SRGAP2: variants seen among roughly 807,000 people sequenced by gnomAD.
SRGAP2 encodes SLIT-ROBO Rho GTPase-activating protein 2.
A neutral mutation model predicts 57.2 loss-of-function variants in SRGAP2; 15 were observed. The observed-to-expected ratio is 0.26, with a 90% CI of 0.18 to 0.40. SRGAP2 has a LOEUF of 0.40. Ranked by LOEUF, SRGAP2 falls within the 10% of genes least tolerant of loss-of-function variation. SRGAP2 has a pLI of 1.00. For synonymous variants in SRGAP2, 249 were observed against 248.0 expected, an observed-to-expected ratio of 1.00 and a Z score of -0.04; for missense variants, 520 against 669.6, an observed-to-expected ratio of 0.78 and a Z score of 2.47.
At chr1:206,371,627 A>G (rs1654557799) in intron 4 of SRGAP2, among the ~76,000 whole-genome samples, 1 of 151,666 alleles carries the variant, frequency 6.6e-6, no homozygotes, top group East Asian at 1.9e-4. Flanking sequence ...GCTACTTGGG[A>G]GGCTGAGGCA....
chr1:206,279,855 C>G (rs1234231591), intron 2 of SRGAP2, among the ~76,000 whole-genome samples: 1 of 151,834 alleles, frequency 6.6e-6, no homozygotes, highest in Non-Finnish European at 1.5e-5. Context: ...GGCTGGTTGT[C>G]TCCACTCTCT....
chr1:206,421,356 C>T lies in SRGAP2; in HGVS notation c.1494+82C>T, dbSNP rs1402821216. On this transcript the variant is annotated intron_variant, in intron 13 of 22. Transcript: ENST00000573034. ...GGCATTTATTGAGCGCCACTGTGTG[C>T]AGGACAGACACCTCTGACTTCATGC... 7 of 658,958 alleles carry T rather than the reference C, an allele frequency of 1.1e-5. No homozygotes were observed. In the African/African-American group the frequency reaches 1.1e-4, roughly 10 times the overall value. The allele number at this position is 658,958 out of a possible 1,614,324, so 40.8% of individuals were successfully genotyped here.
At chr1:206,307,912 G>C (rs1170894249) in intron 3 of SRGAP2, among the ~76,000 whole-genome samples, 9 of 152,236 alleles carry the variant, frequency 5.9e-5, no homozygotes. Flanking sequence ...CAGTGCAGGG[G>C]GGGGTGCTGA....
intron 2 of SRGAP2, among the ~76,000 whole-genome samples, chr1:206,247,541 C>G (rs1668569491): frequency 6.6e-6 from 1 of 152,130 alleles, no homozygotes; most frequent in African/African-American, 2.4e-5. Flanking sequence ...TGATCTCAGC[C>G]TCATAACATC....
At chr1:206,460,889 A>G in intron 22 of SRGAP2, 148 bp from the exon 23 acceptor site, 1 of 474,234 alleles carries the variant, frequency 2.1e-6, no homozygotes, top group East Asian at 3.2e-5. Context: ...CTTCCTGAGC[A>G]TTCATATGTT....
chr1:206,332,977 A>G (rs1349760971), intron 3 of SRGAP2, among the ~76,000 whole-genome samples: 8 of 151,282 alleles, frequency 5.3e-5, no homozygotes, highest in Admixed American at 5.3e-4. Context: ...TGATGTACAG[A>G]TGGGTTTTCG....
chr1:206,340,205 A>G (rs148791105), intron 3 of SRGAP2, among the ~76,000 whole-genome samples: 5,999 of 147,298 alleles, frequency 0.041, 458 homozygotes, highest in African/African-American at 0.15. Context: ...TTTTGAGGAC[A>G]CCCTGGGGAT....
chr1:206,259,660 G>T (rs1467540342), intron 2 of SRGAP2, among the ~76,000 whole-genome samples: 1 of 151,080 alleles, frequency 6.6e-6, no homozygotes, highest in East Asian at 1.9e-4. Flanking sequence ...GCTATGGGTA[G>T]GTAGAAGTGT....
At chr1:206,300,040 G>A (rs1236112494) in intron 2 of SRGAP2, among the ~76,000 whole-genome samples, 4 of 151,128 alleles carry the variant, frequency 2.6e-5, no homozygotes, top group African/African-American at 4.9e-5. Flanking sequence ...CAGGGGTGGG[G>A]ATATTGCTTT....
chr1:206,444,801 A>G (rs1662609640), intron 17 of SRGAP2, among the ~76,000 whole-genome samples: 1 of 152,216 alleles, frequency 6.6e-6, no homozygotes, highest in Non-Finnish European at 1.5e-5. Context: ...ATCCAATGAG[A>G]TTTGTAACCT....
chr1:206,326,720 C>A (rs1673919282), intron 3 of SRGAP2, among the ~76,000 whole-genome samples: 1 of 152,236 alleles, frequency 6.6e-6, no homozygotes, highest in South Asian at 2.1e-4. Flanking sequence ...TCCCTTCTAG[C>A]TCTGAAATTC....
In SRGAP2 at chr1:206,446,069, C is replaced by T. The variant is rs782242614; in HGVS notation, c.1875-6C>T. The T allele has an allele frequency of 6.4e-6, 5 of 780,456 alleles. No homozygotes were observed. Among genetic ancestry groups the T allele is most frequent in the Non-Finnish European group, 1.2e-5 (5 of 417,578 alleles). The allele number at this position is 780,456 out of a possible 1,614,324, so 48.3% of individuals were successfully genotyped here. A position where few individuals can be genotyped will look rare whatever the true frequency, so the allele number is the denominator to read the frequency against. On this transcript the variant is annotated splice_region_variant and splice_polypyrimidine_tract_variant and intron_variant, in intron 17 of 22. Coordinates refer to ENST00000573034, the MANE Select transcript of SRGAP2 (RefSeq NM_015326.5). ...TCCAGCTTGCCCCCTTTCCCTTCTC[C>T]TCCAGTTTATCACAGTTCAGTGAAG...
At chr1:206,278,373 G>A (rs1486753104) in intron 2 of SRGAP2, among the ~76,000 whole-genome samples, 3 of 138,368 alleles carry the variant, frequency 2.2e-5, no homozygotes, top group African/African-American at 8.1e-5. Flanking sequence ...AAGAGACAAG[G>A]TCTCTCTCTC....
At chr1:206,448,699 G>T (rs1191421854) in intron 18 of SRGAP2, among the ~76,000 whole-genome samples, 6 of 152,116 alleles carry the variant, frequency 3.9e-5, no homozygotes, top group Admixed American at 3.3e-4. Context: ...GGCTGGCTGT[G>T]TAAATAAACT....
intron 18 of SRGAP2, among the ~76,000 whole-genome samples, chr1:206,446,877 C>G (rs1208056109): frequency 3.9e-5 from 6 of 152,170 alleles, no homozygotes; most frequent in African/African-American, 1.4e-4. Context: ...TTTTCCATGA[C>G]CTAGCTTCGG....
chr1:206,285,960 C>T (rs1671000707), intron 2 of SRGAP2, among the ~76,000 whole-genome samples: 1 of 152,192 alleles, frequency 6.6e-6, no homozygotes, highest in South Asian at 2.1e-4. Context: ...GCCACCACAC[C>T]TGGCCCATCA....
At chr1:206,436,424 C>T (rs1326458729) in intron 14 of SRGAP2, among the ~76,000 whole-genome samples, 2 of 151,258 alleles carry the variant, frequency 1.3e-5, no homozygotes, top group Non-Finnish European at 2.9e-5. Flanking sequence ...GATCATAGCT[C>T]ATTGTAGCTT....
chr1:206,425,721 G>C (rs533605499), intron 13 of SRGAP2, among the ~76,000 whole-genome samples: 12 of 151,994 alleles, frequency 7.9e-5, no homozygotes, highest in African/African-American at 2.9e-4. Context: ...TTTTAGTAGA[G>C]ACAGAGTTTC....
At chr1:206,425,762 T>G (rs1553366075) in intron 13 of SRGAP2, among the ~76,000 whole-genome samples, 1 of 152,112 alleles carries the variant, frequency 6.6e-6, no homozygotes, top group Non-Finnish European at 1.5e-5. Context: ...CTCGAACTCC[T>G]GACCTCAGGT....
Sources: allele counts gnomAD v4.1 joint callset (sites outside exome capture counted in the v4.1 genomes callset), GRCh38; gene constraint gnomAD v4.1.1; transcripts MANE v1.5; gene names NCBI Gene and HGNC (gene_info 2026-07-23, HGNC 2026-07-21).